Variants in CSMD1 observed in about 807,000 individuals in gnomAD.
The protein encoded by CSMD1 is CUB and Sushi multiple domains 1, also known as CUB and sushi domain-containing protein 1.
Under a neutral mutation model 417.5 loss-of-function variants are expected in CSMD1, and 213 were observed. That is an observed-to-expected ratio of 0.51 (90% CI 0.46 to 0.57). The LOEUF (loss-of-function observed/expected upper bound fraction) is 0.57. Ranked by LOEUF, CSMD1 falls within the 20% of genes least tolerant of loss-of-function variation. CSMD1 has a pLI of 0.00. For missense variants in CSMD1, 6,923 were observed against 4,529.7 expected (o/e 1.53, Z -15.17); for synonymous variants, 2,862 against 1,736.8 (o/e 1.65, Z -16.11).
intron 5 of CSMD1, among the ~76,000 whole-genome samples, chr8:3,782,921 T>C (rs893469192): frequency 1.3e-5 from 2 of 152,178 alleles, no homozygotes; most frequent in African/African-American, 4.8e-5. Context: ...AAACTGTGGT[T>C]AAAAATACAT....
At chr8:4,127,203 C>T (rs947717632) in intron 3 of CSMD1, among the ~76,000 whole-genome samples, 28 of 152,040 alleles carry the variant, frequency 1.8e-4, no homozygotes, top group African/African-American at 5.8e-4. Flanking sequence ...GGTGGCTGTC[C>T]GGCCCCCTCC....
At chr8:4,736,707 GA>G (rs1205416282) in intron 1 of CSMD1, among the ~76,000 whole-genome samples, 3 of 152,052 alleles carry the variant, frequency 2.0e-5, no homozygotes, top group Admixed American at 6.5e-5. Context: ...AATAATTTAA[GA>G]AAAAAAGTTA....
At chr8:3,637,174 C>G (rs1797092090) in intron 7 of CSMD1, among the ~76,000 whole-genome samples, 1 of 152,162 alleles carries the variant, frequency 6.6e-6, no homozygotes, top group Non-Finnish European at 1.5e-5. Context: ...TTAACTAGGA[C>G]AATTGTTTAA....
At chr8:3,775,992 C>G (rs191039355) in intron 5 of CSMD1, among the ~76,000 whole-genome samples, 13 of 152,332 alleles carry the variant, frequency 8.5e-5, no homozygotes, top group Admixed American at 5.2e-4. Flanking sequence ...CTCCTCAGAG[C>G]TTCAGACCCT....
chr8:4,982,756 C>A (rs1232311068), intron 1 of CSMD1, among the ~76,000 whole-genome samples: 1 of 152,154 alleles, frequency 6.6e-6, no homozygotes, highest in African/African-American at 2.4e-5. Context: ...AGATCATACC[C>A]CAAAGTTCGG....
Position 3,941,462 on chromosome 8 carries a change from G to C in CSMD1, c.818+56441C>G, listed in dbSNP as rs537690409. 1.7e-3 allele frequency among the ~76,000 whole-genome samples: 261 copies of C among 152,104 alleles called. 3 individuals are homozygous for C. Among genetic ancestry groups the C allele is most frequent in the South Asian group, 0.015 (74 of 4,822 alleles). ...ATTTGATTGATTCCTGAAACACTAA[G>C]GTCCTATTAAATGCATCCTCAAGGT... On this transcript the variant is annotated intron_variant, in intron 5 of 69. Transcript: ENST00000635120.
chr8:4,311,707 A>G lies in CSMD1; in HGVS notation c.415+108246T>C, dbSNP rs570791513. Reference sequence around the variant, plus strand: ...CACAGCACTCCAGCCTGGGCAACAAAGCAAGACTCAGTCTCAAAAAAAAAA... The same window carrying G: ...CACAGCACTCCAGCCTGGGCAACAAGGCAAGACTCAGTCTCAAAAAAAAAA... On this transcript the variant is annotated intron_variant, in intron 3 of 69. Coordinates refer to ENST00000635120, the MANE Select transcript of CSMD1 (RefSeq NM_033225.6). Among the ~76,000 whole-genome samples the G allele has an allele frequency of 3.0e-4, 43 of 142,014 alleles. No homozygotes were observed. In the Middle Eastern group the frequency reaches 0.021, roughly 69 times the overall value. 93.2% of individuals were successfully genotyped at this position (142,014 alleles called of 152,430 possible). A position where few individuals can be genotyped will look rare whatever the true frequency, so the allele number is the denominator to read the frequency against.
chr8:4,856,371 A>C (rs756700440), intron 1 of CSMD1, among the ~76,000 whole-genome samples: 25 of 145,446 alleles, frequency 1.7e-4, no homozygotes, highest in African/African-American at 4.0e-4. Context: ...CGAGCAAAAT[A>C]ACCAGCTAAC....
At chr8:4,983,295 C>G (rs939530893) in intron 1 of CSMD1, among the ~76,000 whole-genome samples, 2 of 152,108 alleles carry the variant, frequency 1.3e-5, no homozygotes, top group African/African-American at 4.8e-5. Context: ...AGTGTTTTCA[C>G]AAAATGTTGA....
At chr8:4,130,977 G>A (rs539092162) in intron 3 of CSMD1, among the ~76,000 whole-genome samples, 1 of 152,100 alleles carries the variant, frequency 6.6e-6, no homozygotes, top group South Asian at 2.1e-4. Context: ...TTATACTTTG[G>A]TCTTAAAAGT....
intron 11 of CSMD1, among the ~76,000 whole-genome samples, chr8:3,470,103 G>T (rs1184841448): frequency 6.6e-6 from 1 of 152,048 alleles, no homozygotes; most frequent in Non-Finnish European, 1.5e-5. Context: ...ACACCCCAAA[G>T]CCTTCTTGTA....
At chr8:3,971,258 A>G (rs958108003) in intron 5 of CSMD1, among the ~76,000 whole-genome samples, 3 of 151,974 alleles carry the variant, frequency 2.0e-5, no homozygotes, top group African/African-American at 7.3e-5. Flanking sequence ...TGAGTTTTTA[A>G]TCTCTGCACT....
intron 3 of CSMD1, among the ~76,000 whole-genome samples, chr8:4,316,542 T>C (rs1798943204): frequency 1.3e-5 from 2 of 152,110 alleles, no homozygotes; most frequent in Non-Finnish European, 1.5e-5. Context: ...TCTGGTAAAA[T>C]AATTATATAT....
intron 1 of CSMD1, among the ~76,000 whole-genome samples, chr8:4,806,182 C>G (rs1052315989): frequency 3.3e-5 from 5 of 152,200 alleles, no homozygotes; most frequent in Non-Finnish European, 7.3e-5. Flanking sequence ...AGCACCCAGA[C>G]AGCCACACTC....
At chr8:4,154,966 G>C (rs117280333) in intron 3 of CSMD1, among the ~76,000 whole-genome samples, 8 of 152,084 alleles carry the variant, frequency 5.3e-5, no homozygotes, top group Non-Finnish European at 1.0e-4. Flanking sequence ...AAATTAAGTG[G>C]GCTACCCTAA....
intron 6 of CSMD1, among the ~76,000 whole-genome samples, chr8:3,729,191 A>G (rs984324034): frequency 6.6e-6 from 1 of 152,038 alleles, no homozygotes; most frequent in South Asian, 2.1e-4. Flanking sequence ...GCCACGCAAT[A>G]AGCAATGCCG....
At chr8:4,190,567 A>C (rs1408560271) in intron 3 of CSMD1, among the ~76,000 whole-genome samples, 2 of 151,100 alleles carry the variant, frequency 1.3e-5, no homozygotes, top group Non-Finnish European at 2.9e-5. Flanking sequence ...ACTGAAAGAG[A>C]CTCTGATGAT....
At chr8:3,712,588 C>A (rs936470883) in intron 6 of CSMD1, among the ~76,000 whole-genome samples, 1 of 152,140 alleles carries the variant, frequency 6.6e-6, no homozygotes, top group African/African-American at 2.4e-5. Context: ...AAAAATATTT[C>A]GTGATTGATG....
chr8:3,683,822 C>T (rs79819891), intron 7 of CSMD1, among the ~76,000 whole-genome samples: 88 of 152,052 alleles, frequency 5.8e-4, no homozygotes, highest in East Asian at 2.3e-3. Flanking sequence ...CCAATGTTTG[C>T]GTAATCATTC....
Sources: gnomAD v4.1 joint callset for allele counts (sites outside exome capture counted in the v4.1 genomes callset) on GRCh38, gnomAD v4.1.1 for gene constraint, MANE v1.5 for transcripts, NCBI Gene and HGNC (gene_info 2026-07-23, HGNC 2026-07-21) for gene names.